The following CDH12 variants were observed in gnomAD, a reference collection of about 807,000 sequenced individuals.
CDH12 encodes the protein cadherin-12.
A neutral mutation model predicts 74.1 loss-of-function variants in CDH12; 41 were observed. The ratio of observed to expected loss-of-function variants is 0.55; its 90% CI spans 0.43 to 0.72. CDH12 has a LOEUF of 0.72. Ranked by LOEUF, CDH12 falls within the 30% of genes least tolerant of loss-of-function variation. The pLI is 0.00. For synonymous variants in CDH12, 399 were observed against 355.0 expected, an observed-to-expected ratio of 1.12 and a Z score of -1.39; for missense variants, 945 against 977.2, an observed-to-expected ratio of 0.97 and a Z score of 0.44.
At chr5:22,486,514 C>T (rs1259698692) in intron 2 of CDH12, among the ~76,000 whole-genome samples, 1 of 148,852 alleles carries the variant, frequency 6.7e-6, no homozygotes, top group African/African-American at 2.5e-5. Flanking sequence ...TTCAATGACA[C>T]GATCTCGGCT....
intron 1 of CDH12, among the ~76,000 whole-genome samples, chr5:22,760,490 C>T (rs1056369247): frequency 2.4e-4 from 37 of 151,920 alleles, no homozygotes; most frequent in African/African-American, 8.9e-4. Context: ...ACCAGCCTGG[C>T]CAACATGATG....
At chr5:21,815,116 T>C (rs1302435003) in intron 9 of CDH12, among the ~76,000 whole-genome samples, 1 of 152,130 alleles carries the variant, frequency 6.6e-6, no homozygotes, top group African/African-American at 2.4e-5. Context: ...TTGAAAAATG[T>C]GTTTCTTTTT....
intron 6 of CDH12, among the ~76,000 whole-genome samples, chr5:21,961,959 A>T (rs1027703677): frequency 2.6e-5 from 4 of 152,056 alleles, no homozygotes; most frequent in Non-Finnish European, 5.9e-5. Flanking sequence ...TATTTGGGTG[A>T]TGTTCTCTTC....
intron 2 of CDH12, among the ~76,000 whole-genome samples, chr5:22,475,953 T>C (rs917270235): frequency 7.2e-5 from 11 of 152,068 alleles, no homozygotes; most frequent in African/African-American, 2.7e-4. Context: ...TAAAAACTAG[T>C]AATGAGAAAC....
At chr5:22,074,819 A>G (rs373909708) in intron 5 of CDH12, among the ~76,000 whole-genome samples, 107 of 151,804 alleles carry the variant, frequency 7.0e-4, no homozygotes, top group Middle Eastern at 6.8e-3. Flanking sequence ...AACAGGTGCT[A>G]GAGATGATGT....
At chr5:22,240,732 C>T (rs1752719341) in intron 3 of CDH12, among the ~76,000 whole-genome samples, 2 of 152,114 alleles carry the variant, frequency 1.3e-5, no homozygotes, top group East Asian at 1.9e-4. Context: ...TAGGGTTTCA[C>T]CATGTTGACC....
intron 4 of CDH12, chr5:22,143,228 G>A (rs1746919301): frequency 6.5e-6 from 1 of 152,998 alleles, no homozygotes; most frequent in African/African-American, 2.4e-5. Context: ...TGTCTTTGGT[G>A]AATGGTTTTA....
At chr5:21,934,141 C>T (rs1484961071) in intron 6 of CDH12, among the ~76,000 whole-genome samples, 1 of 152,140 alleles carries the variant, frequency 6.6e-6, no homozygotes, top group Non-Finnish European at 1.5e-5. Context: ...CACACACACA[C>T]ACATTTAAGT....
chr5:22,607,041 T>C (rs1737152693), intron 1 of CDH12, among the ~76,000 whole-genome samples: 1 of 152,180 alleles, frequency 6.6e-6, no homozygotes, highest in Non-Finnish European at 1.5e-5. Context: ...TAAAGATCTG[T>C]GGAACTTTGA....
intron 2 of CDH12, among the ~76,000 whole-genome samples, chr5:22,413,637 A>C (rs1343621732): frequency 1.3e-5 from 2 of 152,074 alleles, no homozygotes; most frequent in East Asian, 3.8e-4. Flanking sequence ...GCTGCAGAAA[A>C]ATAGCTATGG....
chr5:21,817,550 A>T (rs987296936), intron 8 of CDH12, among the ~76,000 whole-genome samples: 2 of 152,034 alleles, frequency 1.3e-5, no homozygotes, highest in African/African-American at 4.8e-5. Flanking sequence ...ATAGATAGAT[A>T]GATAGGTGAT....
At chr5:21,843,314 C>G (rs1020511515) in intron 7 of CDH12, among the ~76,000 whole-genome samples, 26 of 152,164 alleles carry the variant, frequency 1.7e-4, no homozygotes, top group Non-Finnish European at 3.4e-4. Context: ...AAAAATAAAT[C>G]AACCATCAAC....
At chr5:22,091,195 G>GTATATA (rs1320597002) in intron 4 of CDH12, among the ~76,000 whole-genome samples, 10 of 132,184 alleles carry the variant, frequency 7.6e-5, no homozygotes, top group African/African-American at 3.1e-4. Flanking sequence ...GTGTGTGTGT[G>GTATATA]TGTATATATA....
chr5:22,109,340 C>G (rs1032454071), intron 4 of CDH12, among the ~76,000 whole-genome samples: 3 of 152,182 alleles, frequency 2.0e-5, no homozygotes, highest in Non-Finnish European at 2.9e-5. Context: ...GCCTACTGCC[C>G]ATTATAAATG....
intron 3 of CDH12, among the ~76,000 whole-genome samples, chr5:22,341,650 T>C (rs1314160427): frequency 6.6e-6 from 1 of 152,186 alleles, no homozygotes; most frequent in Non-Finnish European, 1.5e-5. Flanking sequence ...GTGAGGATCC[T>C]GAGAAACTTC....
chr5:22,018,048 C>T (rs952925040), intron 5 of CDH12, among the ~76,000 whole-genome samples: 6 of 152,078 alleles, frequency 3.9e-5, no homozygotes, highest in Non-Finnish European at 8.8e-5. Context: ...CATGAGCCAT[C>T]GTGTCCGGCT....
intron 7 of CDH12, among the ~76,000 whole-genome samples, chr5:21,852,624 C>T (rs1431009783): frequency 3.3e-5 from 5 of 151,414 alleles, no homozygotes; most frequent in African/African-American, 1.2e-4. Flanking sequence ...AGTTATTTTA[C>T]CAATATTAAA....
intron 4 of CDH12, among the ~76,000 whole-genome samples, chr5:22,202,213 T>C (rs957263909): frequency 4.9e-5 from 7 of 141,800 alleles, no homozygotes; most frequent in Non-Finnish European, 7.6e-5. Flanking sequence ...TTTCAACATA[T>C]AGTTACTACC....
rs1561215450 is a variant in CDH12, at chr5:22,202,169, C to CCTTCCTTCCTTCCTTCCTTCCTTCCTT, written c.-187+10328_-187+10329insAAGGAAGGAAGGAAGGAAGGAAGGAAG. ...TACTTTCCTTCCTTCCTTCCTTCCT[C>CCTTCCTTCCTTCCTTCCTTCCTTCCTT]CCTTCCTTCCTTCCTTCCTTCCTTC... On this transcript the variant is annotated intron_variant, in intron 4 of 14. Transcript: ENST00000382254. Among the ~76,000 whole-genome samples, 30 of 82,154 alleles carry CCTTCCTTCCTTCCTTCCTTCCTTCCTT rather than the reference C, an allele frequency of 3.7e-4. 3 individuals are homozygous for CCTTCCTTCCTTCCTTCCTTCCTTCCTT. Among genetic ancestry groups the CCTTCCTTCCTTCCTTCCTTCCTTCCTT allele is most frequent in the South Asian group, 1.5e-3 (3 of 2,026 alleles). 53.9% of individuals were successfully genotyped at this position (82,154 alleles called of 152,430 possible).
Sources: allele counts gnomAD v4.1 joint callset (sites outside exome capture counted in the v4.1 genomes callset), GRCh38; gene constraint gnomAD v4.1.1; transcripts MANE v1.5; gene names NCBI Gene and HGNC (gene_info 2026-07-23, HGNC 2026-07-21).